TRIO: variants seen among roughly 807,000 people sequenced by gnomAD.
The protein encoded by TRIO is triple functional domain protein.
A neutral mutation model predicts 351.9 loss-of-function variants in TRIO; 58 were observed. The ratio of observed to expected loss-of-function variants is 0.16; its 90% confidence interval spans 0.13 to 0.21. The LOEUF is 0.21. Ranked by LOEUF, TRIO falls within the 10% of genes least tolerant of loss-of-function variation. The pLI is 1.00. For missense variants in TRIO, 3,201 were observed against 4,027.8 expected (o/e 0.79, Z 5.56); for synonymous variants, 1,758 against 1,595.7 (o/e 1.10, Z -2.42).
intron 1 of TRIO, among the ~76,000 whole-genome samples, chr5:14,190,824 GA>G (rs1790410279): frequency 6.6e-6 from 1 of 151,992 alleles, no homozygotes; most frequent in African/African-American, 2.4e-5. Flanking sequence ...AGTATCTCAG[GA>G]CAAATATACA....
chr5:14,186,511 G>A (rs977437645), intron 1 of TRIO, among the ~76,000 whole-genome samples: 1 of 152,198 alleles, frequency 6.6e-6, no homozygotes, highest in Non-Finnish European at 1.5e-5. Context: ...CTGCACAGAG[G>A]CATGGGGTTT....
intron 54 of TRIO, 55 bp from the exon 55 acceptor site, chr5:14,504,338 C>G (rs1242474979): frequency 1.2e-5 from 19 of 1,587,744 alleles, no homozygotes; most frequent in Non-Finnish European, 1.5e-5. Context: ...CAGAGTCTTT[C>G]TCGGTGCCAG....
intron 1 of TRIO, among the ~76,000 whole-genome samples, chr5:14,148,242 C>G (rs73053578): frequency 0.058 from 8,878 of 152,136 alleles, 879 homozygotes; most frequent in African/African-American, 0.2. Flanking sequence ...CATATGTTTC[C>G]TAAATGTACC....
intron 1 of TRIO, among the ~76,000 whole-genome samples, chr5:14,172,814 G>T (rs1789178615): frequency 6.6e-6 from 1 of 152,224 alleles, no homozygotes; most frequent in Non-Finnish European, 1.5e-5. Flanking sequence ...GCAAATTACA[G>T]CATACAGAAT....
chr5:14,242,863 A>G (rs921385829), intron 1 of TRIO, among the ~76,000 whole-genome samples: 2 of 152,158 alleles, frequency 1.3e-5, no homozygotes, highest in Non-Finnish European at 2.9e-5. Context: ...TCTACTCTGC[A>G]TTGTTGGAGG....
intron 7 of TRIO, among the ~76,000 whole-genome samples, chr5:14,299,002 G>A (rs1017002409): frequency 2.6e-5 from 4 of 152,176 alleles, no homozygotes; most frequent in Non-Finnish European, 2.9e-5. Flanking sequence ...GATAAACTGC[G>A]TGGGTGAATG....
At chr5:14,173,454 C>T (rs562094233) in intron 1 of TRIO, among the ~76,000 whole-genome samples, 32 of 152,088 alleles carry the variant, frequency 2.1e-4, no homozygotes, top group East Asian at 9.7e-4. Context: ...TCAGGTGATC[C>T]GCCCGCCTCA....
intron 34 of TRIO, among the ~76,000 whole-genome samples, chr5:14,460,636 G>T (rs1753708893): frequency 6.6e-6 from 1 of 152,122 alleles, no homozygotes. Flanking sequence ...CTTGGTTTTT[G>T]TCAAGAAAAT....
intron 34 of TRIO, among the ~76,000 whole-genome samples, chr5:14,454,852 G>C (rs1753141777): frequency 6.6e-6 from 1 of 152,218 alleles, no homozygotes; most frequent in South Asian, 2.1e-4. Flanking sequence ...GTGTCCGGAG[G>C]TTGTTCCTTC....
chr5:14,502,506 T>G (rs553555705), intron 53 of TRIO, 73 bp from the exon 54 acceptor site: 22 of 1,496,012 alleles, frequency 1.5e-5, no homozygotes. Flanking sequence ...TGAGGGACAG[T>G]GCGTGGCGAT....
intron 1 of TRIO, among the ~76,000 whole-genome samples, chr5:14,196,350 G>A (rs1003826775): frequency 2.7e-5 from 4 of 149,938 alleles, no homozygotes; most frequent in Admixed American, 6.7e-5. Flanking sequence ...TTGAATCCAG[G>A]AGGTGGAGAT....
At chr5:14,488,536 T>A in intron 48 of TRIO, 1 of 535,230 alleles carries the variant, frequency 1.9e-6, no homozygotes. Flanking sequence ...CAGCAGAATA[T>A]CTTCTTGGAA....
At chr5:14,503,735 A>G (rs1479029275) in intron 54 of TRIO, among the ~76,000 whole-genome samples, 1 of 152,220 alleles carries the variant, frequency 6.6e-6, no homozygotes, top group Non-Finnish European at 1.5e-5. Context: ...TCCGAGTGAC[A>G]GAAGTAGCAA....
chr5:14,332,021 A>T (rs553276748), intron 10 of TRIO, among the ~76,000 whole-genome samples: 5 of 152,358 alleles, frequency 3.3e-5, no homozygotes, highest in South Asian at 2.1e-4. Context: ...TATGATTAAA[A>T]CAGCCAGTAA....
intron 7 of TRIO, among the ~76,000 whole-genome samples, chr5:14,301,068 A>G (rs569762789): frequency 1.3e-5 from 2 of 152,268 alleles, no homozygotes; most frequent in African/African-American, 4.8e-5. Flanking sequence ...GGCAGAAGAA[A>G]TGAGTGGCTC....
intron 21 of TRIO, among the ~76,000 whole-genome samples, chr5:14,383,935 T>C (rs1361254804): frequency 2.6e-5 from 4 of 152,232 alleles, no homozygotes; most frequent in Admixed American, 6.5e-5. Context: ...TACAATGTTA[T>C]AACATTTTTA....
intron 33 of TRIO, among the ~76,000 whole-genome samples, chr5:14,410,788 G>T (rs1162806463): frequency 6.6e-6 from 1 of 152,146 alleles, no homozygotes; most frequent in African/African-American, 2.4e-5. Flanking sequence ...AGGGACCCTG[G>T]AGACGCCCTC....
At chr5:14,347,926 G>A (rs1441225177) in intron 11 of TRIO, among the ~76,000 whole-genome samples, 1 of 152,212 alleles carries the variant, frequency 6.6e-6, no homozygotes, top group African/African-American at 2.4e-5. Flanking sequence ...TAATATATGA[G>A]TGTTTTGAAT....
At position 14,398,381 on chromosome 5, in the gene TRIO, A is replaced by G. The variant is rs7735725; in HGVS notation, c.4424-499A>G. On this transcript the variant is annotated intron_variant, in intron 29 of 56. Coordinates refer to ENST00000344204, the MANE Select transcript of TRIO (RefSeq NM_007118.4). ...TGGGCAGCCAGGGACTTCTCCAAGA[A>G]GCAAGACCAGGACAGGTCCTTGAAG... Among the ~76,000 whole-genome samples, 1,276 of 152,350 alleles carry G rather than the reference A, an allele frequency of 8.4e-3. 15 individuals are homozygous for G. Among genetic ancestry groups the G allele is most frequent in the African/African-American group, 0.029 (1,216 of 41,572 alleles).
Sources: gnomAD v4.1 joint callset for allele counts (sites outside exome capture counted in the v4.1 genomes callset) on GRCh38, gnomAD v4.1.1 for gene constraint, MANE v1.5 for transcripts, NCBI Gene and HGNC (gene_info 2026-07-23, HGNC 2026-07-21) for gene names.